KIAA0319: variants seen among roughly 807,000 people sequenced by gnomAD.
The protein encoded by KIAA0319 is dyslexia-associated protein KIAA0319.
KIAA0319 carries 83 observed loss-of-function variants against 108.4 expected under a neutral mutation model. The observed-to-expected ratio is 0.77, with a 90% CI of 0.64 to 0.92. KIAA0319 has a LOEUF of 0.92. Ranked by LOEUF, KIAA0319 falls within the 40% of genes least tolerant of loss-of-function variation. The pLI, the probability that KIAA0319 is intolerant of heterozygous loss-of-function variation, is 0.00. For synonymous variants in KIAA0319, 484 were observed against 510.4 expected, an observed-to-expected ratio of 0.95 and a Z score of 0.70; for missense variants, 1,195 against 1,322.4, an observed-to-expected ratio of 0.90 and a Z score of 1.49.
chr6:24,607,548 T>G (rs1033038887), intron 1 of KIAA0319, among the ~76,000 whole-genome samples: 1 of 151,960 alleles, frequency 6.6e-6, no homozygotes, highest in African/African-American at 2.4e-5. Flanking sequence ...TAAAGCCAAA[T>G]GACAGTCTAA....
At chr6:24,606,053 G>A (rs745636548) in intron 1 of KIAA0319, among the ~76,000 whole-genome samples, 1 of 151,986 alleles carries the variant, frequency 6.6e-6, no homozygotes, top group African/African-American at 2.4e-5. Context: ...TCCTGCCTCA[G>A]CCTCCCAAGT....
chr6:24,614,949 G>T (rs1423853557), intron 1 of KIAA0319, among the ~76,000 whole-genome samples: 1 of 152,062 alleles, frequency 6.6e-6, no homozygotes, highest in African/African-American at 2.4e-5. Flanking sequence ...CTGTCTGGTT[G>T]CAACTATATC....
rs560298185 is a variant in KIAA0319 at position 24,596,455 on chromosome 6, G to C, written c.219C>G (p.Phe73Leu). The change falls in exon 3 of 21, where the codon TTC becomes TTG. Residue 73 changes from phenylalanine (F) to leucine (L), a missense_variant. Physicochemically the swap from Phe to Leu is conservative, Grantham distance 22 (BLOSUM62 0). Transcript: ENST00000378214. ...AGCTCACCAGGTAGCAGCGGCCCTC[G>C]AACCACCAGGCCAGGTCACAGCTGG... Reference protein sequence around the residue: ...DLSSCDLAWWFEGRCYLVSCP... With the variant: ...DLSSCDLAWWLEGRCYLVSCP... 6.2e-7 allele frequency: 1 copy of C among 1,614,166 alleles called. No homozygotes were observed. Among genetic ancestry groups the C allele is most frequent in the South Asian group, 1.1e-5 (1 of 91,076 alleles).
Position 24,582,277 on chromosome 6 carries a change from C to T in KIAA0319, c.1163G>A (p.Gly388Glu), listed in dbSNP as rs1158952186. ...AGAGAGGTTAAGAGTTTGCTTGTGTCCTTGTTTTATTTCACCTTGGTAGTC... is the reference window on the plus strand; with the variant it reads ...AGAGAGGTTAAGAGTTTGCTTGTGTTCTTGTTTTATTTCACCTTGGTAGTC... ...PTDYQGEIKQGHKQTLNLSQL... is the reference protein window; with the variant it reads ...PTDYQGEIKQEHKQTLNLSQL... Residue 388 changes from glycine (G) to glutamate (E), a missense_variant, in exon 6 of 21, where the codon GGA becomes GAA. Physicochemically the swap from Gly to Glu is moderately conservative, Grantham distance 98 (BLOSUM62 -2). Coordinates refer to ENST00000378214, the MANE Select transcript of KIAA0319 (RefSeq NM_014809.4). 1 of 1,609,336 alleles carries T rather than the reference C, an allele frequency of 6.2e-7. No homozygotes were observed. Among genetic ancestry groups the T allele is most frequent in the African/African-American group, 1.3e-5 (1 of 74,882 alleles).
intron 2 of KIAA0319, chr6:24,598,421 A>C (rs1279563254): frequency 6.8e-6 from 4 of 591,506 alleles, no homozygotes; most frequent in African/African-American, 1.8e-5. Context: ...CAGCAGCAGA[A>C]GACAGTTTGG....
intron 1 of KIAA0319, among the ~76,000 whole-genome samples, chr6:24,633,722 AG>A (rs1373243422): frequency 6.6e-6 from 1 of 152,232 alleles, no homozygotes; most frequent in African/African-American, 2.4e-5. Flanking sequence ...TGAGAATAAA[AG>A]GTAATGATAA....
At chr6:24,549,783 C>T (rs756727403) in intron 20 of KIAA0319, among the ~76,000 whole-genome samples, 4 of 152,098 alleles carry the variant, frequency 2.6e-5, no homozygotes, top group Admixed American at 1.3e-4. Context: ...TATTAGTTCA[C>T]GGGTGAAACT....
At chr6:24,600,675 AT>A in intron 2 of KIAA0319, 1 of 1,534,872 alleles carries the variant, frequency 6.5e-7, no homozygotes, top group Non-Finnish European at 8.7e-7. Context: ...CTCACCAGTG[AT>A]TTTTTTGCCA....
intron 1 of KIAA0319, among the ~76,000 whole-genome samples, chr6:24,608,623 A>G (rs1771785581): frequency 6.6e-6 from 1 of 152,150 alleles, no homozygotes; most frequent in Admixed American, 6.5e-5. Context: ...CCAAGACCAA[A>G]AGACATGATT....
intron 1 of KIAA0319, among the ~76,000 whole-genome samples, chr6:24,636,813 T>C (rs183300073): frequency 3.9e-3 from 593 of 152,260 alleles, no homozygotes; most frequent in Non-Finnish European, 6.5e-3. Context: ...CTTTTTTTTT[T>C]CTCAGAGATT....
chr6:24,597,177 T>C (rs1769781371), intron 2 of KIAA0319, among the ~76,000 whole-genome samples: 1 of 152,266 alleles, frequency 6.6e-6, no homozygotes, highest in Non-Finnish European at 1.5e-5. Context: ...ATTTATACTA[T>C]TTATAATACT....
intron 11 of KIAA0319, among the ~76,000 whole-genome samples, chr6:24,570,296 A>G (rs546145437): frequency 6.6e-6 from 1 of 152,322 alleles, no homozygotes; most frequent in East Asian, 1.9e-4. Context: ...TTGGTTTAAA[A>G]GATCCTCAGT....
chr6:24,602,346 ATT>A (rs1770750785), intron 1 of KIAA0319, among the ~76,000 whole-genome samples: 1 of 152,124 alleles, frequency 6.6e-6, no homozygotes, highest in African/African-American at 2.4e-5. Context: ...ATATTTTCAC[ATT>A]TTACCATTTC....
intron 2 of KIAA0319, 145 bp downstream of exon 2, chr6:24,600,904 G>T: frequency 9.4e-7 from 1 of 1,062,430 alleles, no homozygotes; most frequent in Non-Finnish European, 1.4e-6. Context: ...TCATGCATGA[G>T]GTCTGCCTTT....
At chr6:24,573,887 C>A (rs1035233320) in intron 10 of KIAA0319, among the ~76,000 whole-genome samples, 6 of 151,950 alleles carry the variant, frequency 3.9e-5, no homozygotes, top group Non-Finnish European at 8.8e-5. Context: ...GAGGCTACGG[C>A]GGGTGGATCA....
intron 5 of KIAA0319, among the ~76,000 whole-genome samples, chr6:24,582,737 T>C (rs1393580764): frequency 1.3e-5 from 2 of 151,904 alleles, no homozygotes; most frequent in East Asian, 3.9e-4. Flanking sequence ...TGACTATCCA[T>C]ATCAGTTTTA....
chr6:24,566,586 T>C lies in KIAA0319; in HGVS notation c.2292+11A>G. ...TAAGTGGTCTAGGAGCAATTCTCTC[T>C]CAGTACTCACTCCAGCTGCTGGACT... On this transcript the variant is annotated intron_variant, in intron 14 of 20. Coordinates refer to ENST00000378214, the MANE Select transcript of KIAA0319 (RefSeq NM_014809.4). The C allele has an allele frequency of 6.3e-7, 1 of 1,598,658 alleles. No homozygotes were observed. The highest frequency in any genetic ancestry group is 1.1e-5 in the South Asian group (1 of 87,762).
chr6:24,573,944 G>A (rs567111202), intron 10 of KIAA0319, among the ~76,000 whole-genome samples: 39 of 151,802 alleles, frequency 2.6e-4, no homozygotes, highest in African/African-American at 7.0e-4. Context: ...GTGAAACCCC[G>A]TCTCTACTAA....
At chr6:24,620,536 G>T (rs1773787853) in intron 1 of KIAA0319, among the ~76,000 whole-genome samples, 1 of 152,152 alleles carries the variant, frequency 6.6e-6, no homozygotes, top group African/African-American at 2.4e-5. Context: ...CCTGACCTCA[G>T]GTGATTTGCC....
Sources: allele counts gnomAD v4.1 joint callset (sites outside exome capture counted in the v4.1 genomes callset), GRCh38; gene constraint gnomAD v4.1.1; transcripts MANE v1.5; gene names NCBI Gene and HGNC (gene_info 2026-07-23, HGNC 2026-07-21).